CEACAM16: variants seen among roughly 807,000 people sequenced by gnomAD.
CEACAM16 encodes cell adhesion molecule CEACAM16.
CEACAM16 carries 30 observed loss-of-function variants against 39.4 expected under a neutral mutation model. The ratio of observed to expected loss-of-function variants is 0.76; its 90% CI spans 0.57 to 1.03. The LOEUF (loss-of-function observed/expected upper bound fraction) is 1.03, where lower values mean the gene tolerates loss of function less well. Ranked by LOEUF, CEACAM16 falls within the 50% of genes least tolerant of loss-of-function variation. The pLI is 0.00. For missense variants in CEACAM16, 521 were observed against 585.3 expected (o/e 0.89, Z 1.13); for synonymous variants, 262 against 264.9 (o/e 0.99, Z 0.11).
Position 44,710,662 on chromosome 19 carries a change from A to C in CEACAM16, c.*156A>C. Reference sequence around the variant, plus strand: ...CCTAGAGCTAGAGCCACAGGGCCCCACTCCCTCGCTGAGCTGTTGGGGAGC... The same window carrying C: ...CCTAGAGCTAGAGCCACAGGGCCCCCCTCCCTCGCTGAGCTGTTGGGGAGC... On this transcript the variant is annotated 3_prime_UTR_variant, in exon 7 of 7. Coordinates refer to ENST00000587331, the MANE Select transcript of CEACAM16 (RefSeq NM_001039213.4). The C allele has an allele frequency of 5.9e-6, 6 of 1,025,030 alleles. No homozygotes were observed. Among genetic ancestry groups the C allele is most frequent in the Non-Finnish European group, 8.7e-6 (6 of 689,256 alleles). The allele number at this position is 1,025,030 out of a possible 1,614,324, so 63.5% of individuals were successfully genotyped here. A position where few individuals can be genotyped will look rare whatever the true frequency, so the allele number is the denominator to read the frequency against.
Position 44,701,592 on chromosome 19 carries a change from C to A in CEACAM16, c.37+99C>A. On this transcript the variant is annotated intron_variant, in intron 2 of 6. Transcript: ENST00000587331. This position sits in a 1 kb window ranked among gnomAD's most constrained non-coding sequence, Gnocchi z 4.0. ...AGAGAGGGAAGGTGTGAGCAGAAGT[C>A]CAGCGTGCTAGGGAGGGAGGGCAGC... 1.7e-6 allele frequency: 2 copies of A among 1,206,916 alleles called. No homozygotes were observed. Among genetic ancestry groups the A allele is most frequent in the Non-Finnish European group, 2.4e-6 (2 of 844,550 alleles). The allele number at this position is 1,206,916 out of a possible 1,614,324, so 74.8% of individuals were successfully genotyped here. A position where few individuals can be genotyped will look rare whatever the true frequency, so the allele number is the denominator to read the frequency against.
intron 1 of CEACAM16, among the ~76,000 whole-genome samples, chr19:44,700,254 C>T (rs1384916390): frequency 6.6e-6 from 1 of 152,146 alleles, no homozygotes; most frequent in Non-Finnish European, 1.5e-5. Context: ...AGCCACCTGC[C>T]TTGGCCTCCC....
intron 1 of CEACAM16, among the ~76,000 whole-genome samples, chr19:44,700,437 T>C (rs1974327117): frequency 1.3e-5 from 2 of 151,740 alleles, no homozygotes; most frequent in African/African-American, 4.8e-5. Flanking sequence ...CACGCCTGGC[T>C]ATTTTTATTA....
intron 5 of CEACAM16, among the ~76,000 whole-genome samples, chr19:44,707,219 T>C (rs908318337): frequency 1.3e-5 from 2 of 151,648 alleles, no homozygotes; most frequent in Non-Finnish European, 2.9e-5. Flanking sequence ...GATGGAGGAG[T>C]ACAGGACCCC....
In CEACAM16 at chr19:44,704,306, C is replaced by T. The variant is rs1433647018; in HGVS notation, c.661+10C>T. Reference sequence around the variant, plus strand: ...AACCTGACCGTGTACTGTGAGTCCTCCTGGCCCCACTGGAGATACCCAGTG... The same window carrying T: ...AACCTGACCGTGTACTGTGAGTCCTTCTGGCCCCACTGGAGATACCCAGTG... On this transcript the variant is annotated intron_variant, in intron 4 of 6. Transcript: ENST00000587331. The T allele has an allele frequency of 6.7e-7, 1 of 1,485,254 alleles. No individual in the cohort carries two copies. Among genetic ancestry groups the T allele is most frequent in the South Asian group, 1.3e-5 (1 of 76,704 alleles). 92.0% of individuals were successfully genotyped at this position (1,485,254 alleles called of 1,614,324 possible). A position where few individuals can be genotyped will look rare whatever the true frequency, so the allele number is the denominator to read the frequency against.
intron 4 of CEACAM16, 103 bp downstream of exon 4, chr19:44,704,399 G>A (rs1174344204): frequency 7.3e-7 from 1 of 1,369,554 alleles, no homozygotes; most frequent in East Asian, 2.6e-5. Flanking sequence ...CGAGTCAGCA[G>A]GCAAGCTGGG....
In CEACAM16 at chr19:44,701,586, A is replaced by C. The variant is rs1223536158; in HGVS notation, c.37+93A>C. On this transcript the variant is annotated intron_variant, in intron 2 of 6. Coordinates refer to ENST00000587331, the MANE Select transcript of CEACAM16 (RefSeq NM_001039213.4). This position sits in a 1 kb window ranked among gnomAD's most constrained non-coding sequence, Gnocchi z 4.0. The stretch of plus-strand genomic sequence containing the variant: ...AGTCTGAGAGAGGGAAGGTGTGAGC[A>C]GAAGTCCAGCGTGCTAGGGAGGGAG... The C allele has an allele frequency of 3.9e-6, 5 of 1,266,028 alleles. No individual in the cohort carries two copies. Among genetic ancestry groups the C allele is most frequent in the Non-Finnish European group, 4.5e-6 (4 of 896,994 alleles). The allele number at this position is 1,266,028 out of a possible 1,614,324, so 78.4% of individuals were successfully genotyped here.
At chr19:44,704,416 G>T (rs1395547761) in intron 4 of CEACAM16, 120 bp downstream of exon 4, 30 of 1,267,734 alleles carry the variant, frequency 2.4e-5, no homozygotes, top group Non-Finnish European at 3.2e-5. Flanking sequence ...TGGGATTGGG[G>T]ACCAGGGACC....
At position 44,699,503 on chromosome 19, in the gene CEACAM16, A is replaced by C. The variant is rs769495930; in HGVS notation, c.-97+243A>C. ...GCAATTCTCCTGCTTCAGCCTCCCA[A>C]GTAGCTGGGATTACAGGTGCCCGCG... is the stretch of plus-strand genomic sequence containing the variant. On this transcript the variant is annotated intron_variant, in intron 1 of 6. Transcript: ENST00000587331. 69 of 446,362 alleles carry C rather than the reference A, an allele frequency of 1.5e-4. 1 individual carries two copies. Among genetic ancestry groups the C allele is most frequent in the Non-Finnish European group, 9.6e-5 (21 of 218,418 alleles). 27.7% of individuals were successfully genotyped at this position (446,362 alleles called of 1,614,324 possible).
chr19:44,710,421 G>T, intron 6 of CEACAM16, 75 bp from the exon 7 acceptor site: 2 of 1,544,314 alleles, frequency 1.3e-6, no homozygotes, highest in Non-Finnish European at 1.8e-6. Context: ...GAGCAGAAGG[G>T]GTGGGGGCAC....
intron 4 of CEACAM16, among the ~76,000 whole-genome samples, chr19:44,705,281 T>A (rs2122197439): frequency 7.0e-6 from 1 of 143,732 alleles, no homozygotes; most frequent in Non-Finnish European, 1.6e-5. Flanking sequence ...ACTCTTAGAA[T>A]GGCTTTGTCA....
chr19:44,707,779 G>T, intron 5 of CEACAM16, 82 bp from the exon 6 acceptor site: 1 of 1,272,882 alleles, frequency 7.9e-7, no homozygotes, highest in Non-Finnish European at 1.1e-6. Flanking sequence ...CAGCCAGCTG[G>T]GGGGAGGCCA....
intron 4 of CEACAM16, among the ~76,000 whole-genome samples, chr19:44,705,292 GA>G (rs58843691): frequency 1.1e-4 from 16 of 149,608 alleles, no homozygotes; most frequent in East Asian, 1.9e-4. Flanking sequence ...GGCTTTGTCA[GA>G]AAAAAAAAAT....
intron 2 of CEACAM16, among the ~76,000 whole-genome samples, chr19:44,702,128 A>G (rs755203586): frequency 3.3e-5 from 5 of 152,048 alleles, no homozygotes; most frequent in Non-Finnish European, 5.9e-5. Flanking sequence ...CCCCATCTCT[A>G]CTAAAATACA....
intron 1 of CEACAM16, among the ~76,000 whole-genome samples, chr19:44,700,111 T>C (rs887492434): frequency 2.0e-5 from 3 of 152,216 alleles, no homozygotes; most frequent in South Asian, 4.1e-4. Flanking sequence ...GTTCAAGAGA[T>C]TCTCCTGCCT....
rs112855413 is a variant in CEACAM16 at position 44,709,443 on chromosome 19, T to C, written c.1268-1053T>C. 5.1e-3 allele frequency among the ~76,000 whole-genome samples: 435 copies of C among 85,586 alleles called. 1 individual carries two copies. The highest frequency in any genetic ancestry group is 0.022 in the Middle Eastern group (2 of 90). 56.1% of individuals were successfully genotyped at this position (85,586 alleles called of 152,430 possible). Reference sequence around the variant, plus strand: ...CCCAGAGTCAGGGACCATGTCTCCTTCATCAGACTGGGAGCTCCCAGAGTC... The same window carrying C: ...CCCAGAGTCAGGGACCATGTCTCCTCCATCAGACTGGGAGCTCCCAGAGTC... On this transcript the variant is annotated intron_variant, in intron 6 of 6. Transcript: ENST00000587331.
intron 4 of CEACAM16, among the ~76,000 whole-genome samples, chr19:44,705,286 T>C (rs954228136): frequency 3.8e-5 from 5 of 130,682 alleles, no homozygotes; most frequent in Non-Finnish European, 9.2e-5. Flanking sequence ...TAGAATGGCT[T>C]TGTCAGAAAA....
In CEACAM16 at chr19:44,703,253, GCT is replaced by G; in HGVS notation, c.38-95_38-94del. Reference sequence around the variant, plus strand: ...TCCTCATTTACACAGAGGACACTGGGCTGGGGACATGCCCCGAGCCTGAGTCT... The same window carrying G: ...TCCTCATTTACACAGAGGACACTGGGGGGGACATGCCCCGAGCCTGAGTCT... On this transcript the variant is annotated intron_variant, in intron 2 of 6. Transcript: ENST00000587331. 2.7e-6 allele frequency: 3 copies of G among 1,126,644 alleles called. No individual in the cohort carries two copies. The South Asian group carries it at 4.6e-5, about 17-fold the overall frequency. The allele number at this position is 1,126,644 out of a possible 1,614,324, so 69.8% of individuals were successfully genotyped here. A position where few individuals can be genotyped will look rare whatever the true frequency, so the allele number is the denominator to read the frequency against.
intron 4 of CEACAM16, among the ~76,000 whole-genome samples, chr19:44,704,630 G>A (rs1974412110): frequency 6.6e-6 from 1 of 152,122 alleles, no homozygotes; most frequent in Non-Finnish European, 1.5e-5. Context: ...CACTCAGGAG[G>A]CTGAGATGGG....
Sources: allele counts gnomAD v4.1 joint callset (sites outside exome capture counted in the v4.1 genomes callset), GRCh38; gene constraint gnomAD v4.1.1; non-coding constraint Gnocchi (gnomAD v3.1); transcripts MANE v1.5; gene names NCBI Gene and HGNC (gene_info 2026-07-23, HGNC 2026-07-21).